Variants in DNAI7 observed in about 807,000 individuals in gnomAD.
DNAI7 encodes the protein dynein axonemal intermediate chain 7.
Under a neutral mutation model 86.6 loss-of-function variants are expected in DNAI7, and 78 were observed. That is an observed-to-expected ratio of 0.90 (90% confidence interval 0.75 to 1.09). The LOEUF (loss-of-function observed/expected upper bound fraction) is 1.09. Among genes scored for constraint, DNAI7 ranks in the 50% least tolerant of loss-of-function variants. The probability of loss-of-function intolerance (pLI) is 0.00; values close to 1 mark genes in which losing one functional copy is unlikely to be tolerated. For synonymous variants in DNAI7, 274 were observed against 273.0 expected (o/e 1.00, Z -0.04); for missense variants, 753 against 810.2 (o/e 0.93, Z 0.86).
rs111239653 is a variant in DNAI7, at chr12:25,126,624, C to CA, written c.1003-3339dup. 7.2e-4 allele frequency among the ~76,000 whole-genome samples: 108 copies of CA among 149,774 alleles called. 1 individual carries two copies. The East Asian group carries it at 7.8e-3, about 11-fold the overall frequency. ...GGTAGAGAGTGATAACAATTAGCAC[C>CA]AAAAAAAAGAAAAAAGAAAAGGAAG... On this transcript the variant is annotated intron_variant, in intron 9 of 15. Coordinates refer to ENST00000395987, the MANE Select transcript of DNAI7 (RefSeq NM_018272.5).
At chr12:25,125,357 T>C (rs1431406757) in intron 9 of DNAI7, among the ~76,000 whole-genome samples, 1 of 152,206 alleles carries the variant, frequency 6.6e-6, no homozygotes, top group Non-Finnish European at 1.5e-5. Context: ...GATTTACATT[T>C]CTCTAATGAT....
At chr12:25,182,321 T>TG (rs1949587986) in intron 2 of DNAI7, among the ~76,000 whole-genome samples, 1 of 130,104 alleles carries the variant, frequency 7.7e-6, no homozygotes, top group Admixed American at 9.4e-5. Context: ...CACTCCAGCC[T>TG]GGGCAACAAG....
At chr12:25,175,790 C>T (rs937163402) in intron 2 of DNAI7, among the ~76,000 whole-genome samples, 1 of 151,776 alleles carries the variant, frequency 6.6e-6, no homozygotes, top group Non-Finnish European at 1.5e-5. Context: ...AAGATATATC[C>T]AATAGAAGGC....
chr12:25,112,113 G>C (rs1773940751), intron 13 of DNAI7, among the ~76,000 whole-genome samples, 174 bp from the exon 14 acceptor site: 1 of 152,134 alleles, frequency 6.6e-6, no homozygotes, highest in Non-Finnish European at 1.5e-5. Context: ...CTGACACAAA[G>C]TCCCCATGTT....
intron 9 of DNAI7, among the ~76,000 whole-genome samples, chr12:25,130,364 C>T (rs1942738503): frequency 6.6e-6 from 1 of 151,848 alleles, no homozygotes. Context: ...GGTGAAACCC[C>T]GTCTGTACTA....
intron 9 of DNAI7, among the ~76,000 whole-genome samples, chr12:25,129,585 T>G (rs371811295): frequency 1.5e-4 from 23 of 152,194 alleles, no homozygotes; most frequent in African/African-American, 3.4e-4. Context: ...TCACAAAACA[T>G]CCCAAATTAC....
chr12:25,144,735 G>A, intron 8 of DNAI7, 58 bp from the exon 9 acceptor site: 1 of 1,314,392 alleles, frequency 7.6e-7, no homozygotes, highest in Non-Finnish European at 1.1e-6. Context: ...CTAGATCTGT[G>A]TCAAATTTAT....
chr12:25,169,974 A>G (rs1176601451), intron 2 of DNAI7, among the ~76,000 whole-genome samples: 3 of 152,202 alleles, frequency 2.0e-5, no homozygotes, highest in African/African-American at 7.2e-5. Context: ...AAAGGGGTGG[A>G]AAAGCATTTC....
intron 4 of DNAI7, among the ~76,000 whole-genome samples, chr12:25,155,652 C>T (rs1946071054): frequency 6.6e-6 from 1 of 152,158 alleles, no homozygotes; most frequent in East Asian, 1.9e-4. Flanking sequence ...AAATCTATTT[C>T]CATAATAATA....
chr12:25,149,410 C>G (rs1358311404), intron 7 of DNAI7, among the ~76,000 whole-genome samples: 1 of 152,044 alleles, frequency 6.6e-6, no homozygotes, highest in Non-Finnish European at 1.5e-5. Context: ...CAGATCCCAT[C>G]TTTACTATCT....
chr12:25,166,753 C>T (rs1947524071), intron 2 of DNAI7, among the ~76,000 whole-genome samples: 1 of 152,106 alleles, frequency 6.6e-6, no homozygotes, highest in Admixed American at 6.5e-5. Context: ...TCCAACTTGA[C>T]CTTACTGTTT....
Position 25,114,886 on chromosome 12 carries a change from A to G in DNAI7, c.1397-16T>C. The stretch of plus-strand genomic sequence containing the variant: ...CAATGTTTACCTTTATAATTGATGA[A>G]GAAAGTGACACTAGTTTCATTTTTT... On this transcript the variant is annotated splice_polypyrimidine_tract_variant and intron_variant, in intron 12 of 15. Transcript: ENST00000395987. 1 of 1,556,510 alleles carries G rather than the reference A, an allele frequency of 6.4e-7. No homozygotes were observed. The highest frequency in any genetic ancestry group is 8.8e-7 in the Non-Finnish European group (1 of 1,134,748).
intron 9 of DNAI7, among the ~76,000 whole-genome samples, chr12:25,129,057 GC>G (rs919195851): frequency 2.6e-5 from 4 of 152,024 alleles, no homozygotes; most frequent in Non-Finnish European, 4.4e-5. Context: ...TACATCAGTC[GC>G]TGGCCTTCCT....
At chr12:25,194,827 G>A (rs1389442992) in intron 1 of DNAI7, 1 of 1,547,348 alleles carries the variant, frequency 6.5e-7, no homozygotes, top group African/African-American at 1.4e-5. Context: ...TCGAGATCAG[G>A]ATACCGTGTG....
intron 12 of DNAI7, among the ~76,000 whole-genome samples, chr12:25,118,263 G>GTTTGT (rs201498085): frequency 6.6e-6 from 1 of 150,478 alleles, no homozygotes; most frequent in Non-Finnish European, 1.5e-5. Context: ...ATTTTTGCCT[G>GTTTGT]TTTGTTTTGT....
downstream of DNAI7, chr12:25,108,002 T>C: frequency 6.2e-7 from 1 of 1,614,178 alleles, no homozygotes; most frequent in East Asian, 2.2e-5. Context: ...TGGACGTCTC[T>C]AGAACATATC....
In DNAI7 at chr12:25,108,591, A is replaced by T; in HGVS notation, c.2126T>A (p.Val709Glu). The T allele has an allele frequency of 6.2e-7, 1 of 1,613,958 alleles. No homozygotes were observed. The highest frequency in any genetic ancestry group is 8.5e-7 in the Non-Finnish European group (1 of 1,179,932). The change falls in exon 16 of 16, where the codon GTG (valine) becomes GAG (glutamate). Residue 709 changes from valine to glutamate, a missense_variant. Physicochemically the swap from Val to Glu is moderately radical, Grantham distance 121. Transcript: ENST00000395987. ...RSSNCQFVNS[V>E]CHMLLSTRLL... is the part of the protein sequence containing the mutation. ...TCTGGTAGAGAGCAGCATGTGGCAC[A>T]CAGAGTTGACAAACTGACAGTTGGA... is the stretch of plus-strand genomic sequence containing the variant.
intron 11 of DNAI7, among the ~76,000 whole-genome samples, chr12:25,121,117 A>G (rs1941226148): frequency 6.6e-6 from 1 of 152,160 alleles, no homozygotes; most frequent in Non-Finnish European, 1.5e-5. Flanking sequence ...GTTGAGCCTT[A>G]CCTCCAGGGT....
At chr12:25,111,690 A>G in intron 14 of DNAI7, 82 bp downstream of exon 14, 1 of 739,102 alleles carries the variant, frequency 1.4e-6, no homozygotes, top group Non-Finnish European at 1.9e-6. Flanking sequence ...TACAGTGTAT[A>G]TAATATTAAA....
Sources: gnomAD v4.1 joint callset for allele counts (sites outside exome capture counted in the v4.1 genomes callset) on GRCh38, gnomAD v4.1.1 for gene constraint, MANE v1.5 for transcripts, NCBI Gene and HGNC (gene_info 2026-07-23, HGNC 2026-07-21) for gene names.